The following WDFY4 variants were observed in gnomAD, a reference collection of about 807,000 sequenced individuals.
The protein encoded by WDFY4 is WD repeat- and FYVE domain-containing protein 4.
A neutral mutation model predicts 351.9 loss-of-function variants in WDFY4; 169 were observed. The observed-to-expected ratio is 0.48, with a 90% CI of 0.42 to 0.55. The LOEUF (loss-of-function observed/expected upper bound fraction) is 0.55, where lower values mean the gene tolerates loss of function less well. WDFY4 is among the 20% of genes least tolerant of loss of function. The pLI is 0.00. For missense variants in WDFY4, 3,803 were observed against 3,935.6 expected (o/e 0.97, Z 0.90); for synonymous variants, 1,622 against 1,574.6 (o/e 1.03, Z -0.71).
chr10:48,726,420 A>T (rs2064270020), intron 6 of WDFY4, among the ~76,000 whole-genome samples: 1 of 152,168 alleles, frequency 6.6e-6, no homozygotes. Context: ...GCCATTTTAG[A>T]ATGGGGAAAA....
intron 12 of WDFY4, among the ~76,000 whole-genome samples, chr10:48,758,466 G>A (rs190751473): frequency 6.6e-6 from 1 of 152,188 alleles, no homozygotes; most frequent in East Asian, 1.9e-4. Flanking sequence ...CACCAGCTTT[G>A]AAGAAAGAAG....
chr10:48,715,671 G>T (rs1247367427), intron 2 of WDFY4, among the ~76,000 whole-genome samples: 1 of 152,076 alleles, frequency 6.6e-6, no homozygotes, highest in Admixed American at 6.6e-5. Flanking sequence ...CTGTCTCCCA[G>T]GTGGAGTGCA....
chr10:48,913,694 G>T (rs1838225738), intron 47 of WDFY4: 2 of 1,612,950 alleles, frequency 1.2e-6, no homozygotes, highest in East Asian at 2.2e-5. Context: ...TGTTCAGTAG[G>T]TTGTCATGGA....
At chr10:48,949,483 C>T (rs1357674451) in intron 51 of WDFY4, among the ~76,000 whole-genome samples, 1 of 152,198 alleles carries the variant, frequency 6.6e-6, no homozygotes, top group African/African-American at 2.4e-5. Context: ...TGAAGTCAGG[C>T]TCTTCCCTCC....
chr10:48,866,087 T>G (rs948647387), intron 39 of WDFY4, among the ~76,000 whole-genome samples: 2 of 152,128 alleles, frequency 1.3e-5, no homozygotes, highest in African/African-American at 4.8e-5. Context: ...ATTCATTACT[T>G]TCTGCATTAA....
intron 2 of WDFY4, 36 bp from the exon 3 acceptor site, chr10:48,719,975 T>G: frequency 6.5e-7 from 1 of 1,539,470 alleles, no homozygotes; most frequent in African/African-American, 1.4e-5. Flanking sequence ...GCTTGTGGCA[T>G]TGCTATCTCT....
At chr10:48,804,989 G>A (rs1370249963) in intron 25 of WDFY4, among the ~76,000 whole-genome samples, 3 of 152,018 alleles carry the variant, frequency 2.0e-5, no homozygotes, top group African/African-American at 7.2e-5. Context: ...TTTCCCTGGG[G>A]CTCAGAATTT....
In WDFY4 at chr10:48,959,783, C is replaced by T; in HGVS notation, c.8193C>T (p.Asp2731=). ...DVQLPPWADG[D]PRKFISLHRK... ...AGCTCCCTCCCTGGGCTGATGGGGA[C>T]CCTCGGAAATTCATCAGCCTGCACA... Residue 2731 remains aspartate (D), a synonymous_variant, in exon 53 of 62, where the codon GAC becomes GAT. Transcript: ENST00000325239. 4 of 1,551,336 alleles carry T rather than the reference C, an allele frequency of 2.6e-6. No homozygotes were observed. The highest frequency in any genetic ancestry group is 3.5e-6 in the Non-Finnish European group (4 of 1,146,752).
At chr10:48,715,073 TTCTGAG>T (rs2063865074) in intron 2 of WDFY4, among the ~76,000 whole-genome samples, 1 of 152,256 alleles carries the variant, frequency 6.6e-6, no homozygotes, top group South Asian at 2.1e-4. Context: ...GCCCAAGTAG[TTCTGAG>T]TGAACACCTG....
At chr10:48,690,421 G>A (rs35427107) in intron 1 of WDFY4, among the ~76,000 whole-genome samples, 7,987 of 152,240 alleles carry the variant, frequency 0.052, 244 homozygotes, top group South Asian at 0.085. Context: ...AAACCTCTGT[G>A]GCCAGTGGCA....
At chr10:48,691,215 C>G in intron 1 of WDFY4, among the ~76,000 whole-genome samples, 1 of 152,016 alleles carries the variant, frequency 6.6e-6, no homozygotes, top group Non-Finnish European at 1.5e-5. Context: ...ATCAAGGGTC[C>G]GGGCTGGATG....
chr10:48,861,217 C>T (rs947464845), intron 39 of WDFY4, among the ~76,000 whole-genome samples: 1 of 152,150 alleles, frequency 6.6e-6, no homozygotes, highest in African/African-American at 2.4e-5. Flanking sequence ...TTAACCATCA[C>T]TAATAATTTA....
chr10:48,745,537 T>C (rs1289652346), intron 12 of WDFY4: 4 of 368,618 alleles, frequency 1.1e-5, no homozygotes, highest in Non-Finnish European at 1.5e-5. Flanking sequence ...ACAGGCCTTA[T>C]TGGGCTCATG....
chr10:48,970,942 A>G (rs73298951), intron 57 of WDFY4, among the ~76,000 whole-genome samples: 5,899 of 152,290 alleles, frequency 0.039, 133 homozygotes, highest in South Asian at 0.08. Context: ...CGTTTGCTTA[A>G]CATTCCAAAT....
At chr10:48,847,334 A>T (rs1276619523) in intron 39 of WDFY4, among the ~76,000 whole-genome samples, 1 of 152,106 alleles carries the variant, frequency 6.6e-6, no homozygotes, top group Non-Finnish European at 1.5e-5. Context: ...GTCTCCAAAT[A>T]TTGTCACATT....
In WDFY4 at chr10:48,974,861, G is replaced by A. The variant is rs1208008406; in HGVS notation, c.8929-1G>A. Reference sequence around the variant, plus strand: ...CCTAACCTGTGAGTCTCTGTCCCCAGGCCTTGTATGGACACACACAGGCTG... The same window carrying A: ...CCTAACCTGTGAGTCTCTGTCCCCAAGCCTTGTATGGACACACACAGGCTG... On this transcript the variant is annotated splice_acceptor_variant, in intron 57 of 61. Transcript: ENST00000325239. LOFTEE classifies it high-confidence loss of function. The A allele has an allele frequency of 6.5e-7, 1 of 1,538,838 alleles. No individual in the cohort carries two copies. Among genetic ancestry groups the A allele is most frequent in the Admixed American group, 2.0e-5 (1 of 50,444 alleles).
At chr10:48,836,297 G>A (rs944353351) in intron 39 of WDFY4, among the ~76,000 whole-genome samples, 13 of 152,186 alleles carry the variant, frequency 8.5e-5, no homozygotes, top group Middle Eastern at 3.2e-3. Context: ...TAAAGACTCC[G>A]TTATTGGTTT....
chr10:48,708,388 A>G (rs767170277), intron 1 of WDFY4, among the ~76,000 whole-genome samples: 2 of 152,202 alleles, frequency 1.3e-5, no homozygotes, highest in East Asian at 1.9e-4. Context: ...CCACTGCTGT[A>G]GCCAAGAGGA....
At position 48,691,336 on chromosome 10, in the gene WDFY4, G is replaced by A. The variant is rs997710619; in HGVS notation, c.-18+6335G>A. Among the ~76,000 whole-genome samples the A allele has an allele frequency of 1.1e-4, 17 of 152,298 alleles. No homozygotes were observed. The South Asian group carries it at 3.3e-3, about 30-fold the overall frequency. ...CAAGGCGCAGGAGCCCAGCACCCTT[G>A]GTGTGGGCTGGCTGGGTCCCCGAAG... On this transcript the variant is annotated intron_variant, in intron 1 of 61. Coordinates refer to ENST00000325239, the MANE Select transcript of WDFY4 (RefSeq NM_001394531.1).
Sources: allele counts gnomAD v4.1 joint callset (sites outside exome capture counted in the v4.1 genomes callset), GRCh38; gene constraint gnomAD v4.1.1; transcripts MANE v1.5; gene names NCBI Gene and HGNC (gene_info 2026-07-23, HGNC 2026-07-21).